PTPRQ: variants seen among roughly 807,000 people sequenced by gnomAD.
PTPRQ encodes the protein phosphatidylinositol phosphatase PTPRQ.
PTPRQ carries 199 observed loss-of-function variants against 246.0 expected under a neutral mutation model. The ratio of observed to expected loss-of-function variants is 0.81; its 90% CI spans 0.72 to 0.91. The LOEUF (loss-of-function observed/expected upper bound fraction) is 0.91. Among genes scored for constraint, PTPRQ ranks in the 40% least tolerant of loss-of-function variants. The pLI, the probability that PTPRQ is intolerant of heterozygous loss-of-function variation, is 0.00. For missense variants in PTPRQ, 2,624 were observed against 2,528.4 expected (o/e 1.04, Z -0.81); for synonymous variants, 869 against 853.2 (o/e 1.02, Z -0.32).
intron 9 of PTPRQ, among the ~76,000 whole-genome samples, chr12:80,485,537 T>TA (rs1477211455): frequency 6.6e-6 from 1 of 152,208 alleles, no homozygotes; most frequent in Non-Finnish European, 1.5e-5. Context: ...TTCTGGCACT[T>TA]ACCTGTATGT....
chr12:80,509,530 G>A (rs1160194069), intron 16 of PTPRQ, among the ~76,000 whole-genome samples: 1 of 151,992 alleles, frequency 6.6e-6, no homozygotes, highest in Non-Finnish European at 1.5e-5. Flanking sequence ...CATGTAAAAA[G>A]TTGTATTCCA....
At chr12:80,523,226 T>A (rs1451912742) in intron 17 of PTPRQ, among the ~76,000 whole-genome samples, 4 of 152,204 alleles carry the variant, frequency 2.6e-5, no homozygotes, top group Admixed American at 6.5e-5. Context: ...TTAGCATTTT[T>A]TATTGCGTCT....
rs139622459 is a variant in PTPRQ at position 80,670,800 on chromosome 12, T to C, written c.6602+308T>C. On this transcript the variant is annotated intron_variant, in intron 42 of 44. Coordinates refer to ENST00000644991, the MANE Select transcript of PTPRQ (RefSeq NM_001145026.2). ...ATAGAAACAGAAAGTAGAGTTGTGGTTATTAGTGAGGAGGGAGATGAAAAA... is the reference window on the plus strand; with the variant it reads ...ATAGAAACAGAAAGTAGAGTTGTGGCTATTAGTGAGGAGGGAGATGAAAAA... Among the ~76,000 whole-genome samples, 452 of 152,086 alleles carry C rather than the reference T, an allele frequency of 3.0e-3. No individual in the cohort carries two copies. Among genetic ancestry groups the C allele is most frequent in the African/African-American group, 0.011 (441 of 41,518 alleles).
chr12:80,542,050 C>G, intron 21 of PTPRQ, 39 bp from the exon 22 acceptor site: 1 of 1,514,682 alleles, frequency 6.6e-7, no homozygotes. Flanking sequence ...AATGCTGATT[C>G]ACTTTTGTTT....
rs116935053 is a variant in PTPRQ at position 80,635,332 on chromosome 12, T to G, written c.5915+259T>G. Among the ~76,000 whole-genome samples, 7 of 152,336 alleles carry G rather than the reference T, an allele frequency of 4.6e-5. No homozygotes were observed. In the East Asian group the frequency reaches 1.3e-3, roughly 29 times the overall value. On this transcript the variant is annotated intron_variant, in intron 35 of 44. Transcript: ENST00000644991. The stretch of plus-strand genomic sequence containing the variant: ...GATTATTTTCCTGGGACAAATATTT[T>G]TCCACATTAAACCTTTGACATTATG...
intron 17 of PTPRQ, among the ~76,000 whole-genome samples, chr12:80,520,194 G>T (rs188915537): frequency 2.6e-4 from 39 of 152,188 alleles, no homozygotes; most frequent in African/African-American, 9.1e-4. Flanking sequence ...ATGTTGAATT[G>T]TATCTCCCAT....
chr12:80,529,475 A>G lies in PTPRQ; in HGVS notation c.2679-4540A>G, dbSNP rs943774022. ...TTTCAAAGGGTCTCAAACCTTGTCT[A>G]GAGAACCATACACATTTATACTTAT... On this transcript the variant is annotated intron_variant, in intron 17 of 44. Transcript: ENST00000644991. Among the ~76,000 whole-genome samples, 33 of 152,206 alleles carry G rather than the reference A, an allele frequency of 2.2e-4. 1 individual carries two copies. Among genetic ancestry groups the G allele is most frequent in the Admixed American group, 2.0e-3 (31 of 15,274 alleles).
intron 3 of PTPRQ, among the ~76,000 whole-genome samples, chr12:80,455,042 G>A (rs11114460): frequency 0.29 from 44,390 of 152,010 alleles, 6,854 homozygotes; most frequent in African/African-American, 0.36. Context: ...GCATGGTGGC[G>A]AGTGCCTGTA....
intron 17 of PTPRQ, among the ~76,000 whole-genome samples, chr12:80,531,726 C>T (rs548670579): frequency 3.3e-5 from 5 of 152,236 alleles, no homozygotes; most frequent in Non-Finnish European, 7.4e-5. Flanking sequence ...AATATTCATG[C>T]TACCCTATTT....
chr12:80,545,339 G>A (rs1296888274), intron 23 of PTPRQ, among the ~76,000 whole-genome samples: 1 of 152,014 alleles, frequency 6.6e-6, no homozygotes, highest in African/African-American at 2.4e-5. Flanking sequence ...AATTTCTAGA[G>A]ATTATTTTAA....
At chr12:80,608,815 G>A (rs1898434340) in intron 27 of PTPRQ, among the ~76,000 whole-genome samples, 1 of 150,414 alleles carries the variant, frequency 6.6e-6, no homozygotes, top group African/African-American at 2.4e-5. Context: ...CAATGAATGG[G>A]ACCCAGGCCC....
intron 17 of PTPRQ, among the ~76,000 whole-genome samples, chr12:80,516,095 C>CA (rs1375948624): frequency 6.6e-6 from 1 of 152,098 alleles, no homozygotes; most frequent in East Asian, 1.9e-4. Context: ...CTAGGGCAAC[C>CA]ACCATTAAAT....
At chr12:80,610,751 A>T in intron 28 of PTPRQ, 126 bp downstream of exon 28, 1 of 1,156,388 alleles carries the variant, frequency 8.6e-7, no homozygotes, top group Non-Finnish European at 1.2e-6. Flanking sequence ...AAACAAAAAA[A>T]TTAGTGACTC....
chr12:80,576,276 G>GCACTATA, intron 25 of PTPRQ, among the ~76,000 whole-genome samples: 1 of 151,938 alleles, frequency 6.6e-6, no homozygotes, highest in East Asian at 1.9e-4. Context: ...TGAGTAGCTG[G>GCACTATA]GACTATAGGC....
rs1239035736 is a variant in PTPRQ at position 80,483,104 on chromosome 12, T to C, written c.1187-1329T>C. On this transcript the variant is annotated intron_variant, in intron 8 of 44. Coordinates refer to ENST00000644991, the MANE Select transcript of PTPRQ (RefSeq NM_001145026.2). ...ATGTTTATTGTGGCACTATTCACAA[T>C]AGCAAAGACTTGGAACCAATCCAAA... is the stretch of plus-strand genomic sequence containing the variant. 4.6e-3 allele frequency among the ~76,000 whole-genome samples: 574 copies of C among 124,638 alleles called. 9 individuals are homozygous for C. The highest frequency in any genetic ancestry group is 0.018 in the African/African-American group (544 of 29,808). 81.8% of individuals were successfully genotyped at this position (124,638 alleles called of 152,430 possible).
At chr12:80,642,086 C>T (rs1039704526) in intron 35 of PTPRQ, among the ~76,000 whole-genome samples, 1 of 152,252 alleles carries the variant, frequency 6.6e-6, no homozygotes. Context: ...CTTACCCTGA[C>T]ACAGCTAAAC....
intron 18 of PTPRQ, among the ~76,000 whole-genome samples, chr12:80,534,534 CTT>C (rs752599869): frequency 5.9e-4 from 90 of 151,980 alleles, no homozygotes; most frequent in African/African-American, 2.1e-3. Context: ...TTGTCTATGA[CTT>C]TTATTATTCA....
intron 14 of PTPRQ, among the ~76,000 whole-genome samples, chr12:80,501,426 T>C (rs1413408770): frequency 6.6e-6 from 1 of 151,932 alleles, no homozygotes; most frequent in East Asian, 1.9e-4. Context: ...GAGGTCAATA[T>C]GGAGAACATC....
chr12:80,575,000 T>C (rs976025016), intron 25 of PTPRQ, among the ~76,000 whole-genome samples: 35 of 152,218 alleles, frequency 2.3e-4, no homozygotes, highest in Admixed American at 1.9e-3. Flanking sequence ...GCGTTTTTTT[T>C]CCTTTTCCAA....
Sources: gnomAD v4.1 joint callset for allele counts (sites outside exome capture counted in the v4.1 genomes callset) on GRCh38, gnomAD v4.1.1 for gene constraint, MANE v1.5 for transcripts, NCBI Gene and HGNC (gene_info 2026-07-23, HGNC 2026-07-21) for gene names.